METTL15: variants seen among roughly 807,000 people sequenced by gnomAD.
METTL15 encodes methyltransferase 15, mitochondrial 12S rRNA N4-cytidine, also known as 12S rRNA N(4)-cytidine methyltransferase METTL15.
A neutral mutation model predicts 38.3 loss-of-function variants in METTL15; 34 were observed. The ratio of observed to expected loss-of-function variants is 0.89; its 90% CI spans 0.68 to 1.18. METTL15 has a LOEUF of 1.18. METTL15 is among the 50% of genes most tolerant of loss of function. METTL15 has a pLI of 0.00. For synonymous variants in METTL15, 162 were observed against 170.9 expected, an observed-to-expected ratio of 0.95 and a Z score of 0.41; for missense variants, 438 against 498.4, an observed-to-expected ratio of 0.88 and a Z score of 1.15.
chr11:28,241,500 C>T (rs1854294681), intron 4 of METTL15, among the ~76,000 whole-genome samples: 1 of 150,440 alleles, frequency 6.6e-6, no homozygotes, highest in South Asian at 2.1e-4. Context: ...TGCCACTGCA[C>T]TCCAGCCTGG....
intron 4 of METTL15, among the ~76,000 whole-genome samples, chr11:28,360,227 T>G (rs1850125144): frequency 6.6e-6 from 1 of 152,322 alleles, no homozygotes; most frequent in Middle Eastern, 3.4e-3. Flanking sequence ...TAAAAGTGCT[T>G]TCCCAATAGA....
At chr11:28,166,417 C>A (rs1850660101) in intron 3 of METTL15, among the ~76,000 whole-genome samples, 1 of 152,152 alleles carries the variant, frequency 6.6e-6, no homozygotes, top group Non-Finnish European at 1.5e-5. Flanking sequence ...TGTAGGTACA[C>A]AAGAAATGTC....
At chr11:28,238,453 G>A (rs188420307) in intron 4 of METTL15, among the ~76,000 whole-genome samples, 7 of 152,230 alleles carry the variant, frequency 4.6e-5, no homozygotes, top group East Asian at 1.9e-4. Flanking sequence ...TCCTAAGCCC[G>A]TCGGAAAAGC....
intron 3 of METTL15, among the ~76,000 whole-genome samples, chr11:28,207,558 G>A (rs6622805): frequency 2.0e-5 from 3 of 152,216 alleles, no homozygotes; most frequent in South Asian, 4.1e-4. Flanking sequence ...AAGGATATTG[G>A]TCTAAAATTC....
intron 3 of METTL15, among the ~76,000 whole-genome samples, chr11:28,136,077 T>C (rs1849503838): frequency 6.6e-6 from 1 of 152,180 alleles, no homozygotes; most frequent in Non-Finnish European, 1.5e-5. Context: ...AAGCCATCTT[T>C]TGAAAAGGAT....
chr11:28,165,736 A>G (rs1012537775), intron 3 of METTL15, among the ~76,000 whole-genome samples: 106 of 152,062 alleles, frequency 7.0e-4, no homozygotes, highest in African/African-American at 2.4e-3. Flanking sequence ...GCTTGGATCA[A>G]TGTCGTGGAG....
intron 3 of METTL15, among the ~76,000 whole-genome samples, chr11:28,125,196 G>T (rs1852422632): frequency 6.6e-6 from 1 of 152,052 alleles, no homozygotes; most frequent in Non-Finnish European, 1.5e-5. Flanking sequence ...GCTTTCCCCT[G>T]AGGAGTTTAA....
intron 3 of METTL15, among the ~76,000 whole-genome samples, chr11:28,161,304 A>AG (rs1454424408): frequency 6.6e-6 from 1 of 151,866 alleles, no homozygotes; most frequent in Non-Finnish European, 1.5e-5. Context: ...GTTTTTTAGT[A>AG]GAGATTAGGT....
chr11:28,193,935 A>G (rs1250855962), intron 3 of METTL15, among the ~76,000 whole-genome samples: 1 of 152,014 alleles, frequency 6.6e-6, no homozygotes, highest in Non-Finnish European at 1.5e-5. Context: ...TTTTTCTATT[A>G]TAAGATTGTT....
intron 3 of METTL15, among the ~76,000 whole-genome samples, chr11:28,162,684 T>C (rs1017350774): frequency 3.3e-5 from 5 of 152,140 alleles, no homozygotes. Flanking sequence ...TCTGGACTCT[T>C]CTATTAGCCT....
At chr11:28,141,089 G>C (rs1279881421) in intron 3 of METTL15, among the ~76,000 whole-genome samples, 1 of 152,152 alleles carries the variant, frequency 6.6e-6, no homozygotes, top group African/African-American at 2.4e-5. Context: ...ACTTTAATTG[G>C]GAGGAGGATG....
At chr11:28,420,590 G>T (rs1308029777) in intron 5 of METTL15, among the ~76,000 whole-genome samples, 2 of 152,032 alleles carry the variant, frequency 1.3e-5, no homozygotes, top group Non-Finnish European at 2.9e-5. Flanking sequence ...CAAATACATG[G>T]ATATTAAATG....
chr11:28,282,728 C>T (rs1385391827), intron 4 of METTL15, among the ~76,000 whole-genome samples: 1 of 152,158 alleles, frequency 6.6e-6, no homozygotes, highest in Non-Finnish European at 1.5e-5. Context: ...GGCTAACCTG[C>T]TAAATGCTGG....
Position 28,280,171 on chromosome 11 carries a change from A to G in METTL15, c.408-10035A>G, listed in dbSNP as rs145836944. On this transcript the variant is annotated intron_variant, in intron 4 of 6. Transcript: ENST00000407364. ...TTTCCCATTTTTTCCCATTTTTCCC[A>G]TTCATTGCTTCGGTTGTATTTGTGA... Among the ~76,000 whole-genome samples, 137 of 151,728 alleles carry G rather than the reference A, an allele frequency of 9.0e-4. 1 individual carries two copies. Among genetic ancestry groups the G allele is most frequent in the African/African-American group, 3.3e-3 (135 of 41,360 alleles).
intron 3 of METTL15, among the ~76,000 whole-genome samples, chr11:28,172,663 G>C (rs1405378619): frequency 2.0e-5 from 3 of 152,168 alleles, no homozygotes; most frequent in Non-Finnish European, 4.4e-5. Flanking sequence ...AGAGACTGAT[G>C]CAAAGAAAGA....
intron 5 of METTL15, among the ~76,000 whole-genome samples, chr11:28,392,952 G>A (rs529631381): frequency 6.4e-4 from 98 of 151,942 alleles, no homozygotes; most frequent in African/African-American, 1.7e-3. Flanking sequence ...ATAATGATAA[G>A]ATATCACCTC....
chr11:28,258,656 A>C lies in METTL15; in HGVS notation c.408-31550A>C, dbSNP rs1008085474. Among the ~76,000 whole-genome samples, 13 of 152,074 alleles carry C rather than the reference A, an allele frequency of 8.5e-5. 1 individual carries two copies. The highest frequency in any genetic ancestry group is 2.7e-4 in the African/African-American group (11 of 41,420). On this transcript the variant is annotated intron_variant, in intron 4 of 6. Transcript: ENST00000407364. ...AGGAGCCTCACTCCATGGCCACCAC[A>C]ACCATGGGCCCATGGGGAATACTGC...
At chr11:28,356,711 C>A (rs1850092992) in intron 4 of METTL15, among the ~76,000 whole-genome samples, 2 of 152,120 alleles carry the variant, frequency 1.3e-5, no homozygotes, top group African/African-American at 4.8e-5. Flanking sequence ...AAACCAGAGG[C>A]CTGGAAACAA....
intron 6 of METTL15, among the ~76,000 whole-genome samples, chr11:28,430,754 G>A (rs568127852): frequency 2.9e-4 from 32 of 109,684 alleles, no homozygotes; most frequent in Non-Finnish European, 5.1e-4. Flanking sequence ...CTGGCCAGCC[G>A]CCCCGTCTGG....
Sources: allele counts gnomAD v4.1 joint callset (sites outside exome capture counted in the v4.1 genomes callset), GRCh38; gene constraint gnomAD v4.1.1; transcripts MANE v1.5; gene names NCBI Gene and HGNC (gene_info 2026-07-23, HGNC 2026-07-21).